Variants in RP2 observed in about 807,000 individuals in gnomAD.
RP2 encodes the protein RP2 activator of ARL3 GTPase, also known as protein XRP2.
RP2 carries 3 observed loss-of-function variants against 20.3 expected under a neutral mutation model. That is an observed-to-expected ratio of 0.15 (90% CI 0.07 to 0.38). The LOEUF (loss-of-function observed/expected upper bound fraction) is 0.38. RP2 is among the 10% of genes least tolerant of loss of function. The pLI is 1.00. For missense variants in RP2, 233 were observed against 268.5 expected (o/e 0.87, Z 0.92); for synonymous variants, 75 against 94.8 (o/e 0.79, Z 1.22).
rs1925442907 is a variant in RP2, at chrX:46,879,904, G to A, written c.*135G>A. 4 of 395,466 alleles carry A rather than the reference G, an allele frequency of 1.0e-5. No homozygotes were observed. The highest frequency in any genetic ancestry group is 6.1e-5 in the South Asian group (1 of 16,476). 32.6% of individuals were successfully genotyped at this position (395,466 alleles called of 1,213,427 possible). On this transcript the variant is annotated 3_prime_UTR_variant, in exon 5 of 5. Coordinates refer to ENST00000218340, the MANE Select transcript of RP2 (RefSeq NM_006915.3). Reference sequence around the variant, plus strand: ...TTTAAAGTTTATTTTTTAATAAATTGTTGAGTATTACATCATTTACTTGAG... The same window carrying A: ...TTTAAAGTTTATTTTTTAATAAATTATTGAGTATTACATCATTTACTTGAG...
intron 1 of RP2, among the ~76,000 whole-genome samples, chrX:46,847,813 C>CGT (rs1569531416): frequency 6.9e-4 from 62 of 89,447 alleles, no homozygotes; most frequent in African/African-American, 2.6e-3. Context: ...TATATACACA[C>CGT]ATATATGTGT....
intron 2 of RP2, 50 bp downstream of exon 2, chrX:46,854,191 A>T (rs1556318799): frequency 1.3e-5 from 14 of 1,109,072 alleles, no homozygotes; most frequent in Non-Finnish European, 1.7e-5. Flanking sequence ...TTAAAAATGT[A>T]CCACTCTGGA....
At chrX:46,877,703 GGTGTGT>G (rs397959535) in intron 4 of RP2, 113 bp downstream of exon 4, 61 of 377,321 alleles carry the variant, frequency 1.6e-4, no homozygotes, top group African/African-American at 6.9e-4. Context: ...GAATTTTTGG[GGTGTGT>G]GTGTGTGTGT....
intron 1 of RP2, 83 bp from the exon 2 acceptor site, chrX:46,853,393 T>G: frequency 1.1e-6 from 1 of 892,987 alleles, no homozygotes; most frequent in African/African-American, 2.0e-5. Context: ...CACTAAGAAC[T>G]GTGCCTGGCA....
chrX:46,873,422 A>G (rs192198302), intron 3 of RP2, among the ~76,000 whole-genome samples: 49 of 112,477 alleles, frequency 4.4e-4, no homozygotes, highest in African/African-American at 1.4e-3. Flanking sequence ...CTCATAGTTC[A>G]GTTAGAAATA....
rs1924770032 is a variant in RP2 at position 46,847,787 on chromosome X, C to CGTGTGTGTATATACACACAT, written c.103-5689_103-5688insGTGTGTGTATATACACACAT. Among the ~76,000 whole-genome samples, 27 of 82,652 alleles carry CGTGTGTGTATATACACACAT rather than the reference C, an allele frequency of 3.3e-4. No individual in the cohort carries two copies. The East Asian group carries it at 6.6e-3, about 20-fold the overall frequency. 71.8% of individuals were successfully genotyped at this position (82,652 alleles called of 115,157 possible). On this transcript the variant is annotated intron_variant, in intron 1 of 4. Coordinates refer to ENST00000218340, the MANE Select transcript of RP2 (RefSeq NM_006915.3). Reference sequence around the variant, plus strand: ...ACACATGTGTGTGTGTACATACACACATGTGTGTGTGTATATATATACACA... The same window carrying CGTGTGTGTATATACACACAT: ...ACACATGTGTGTGTGTACATACACACGTGTGTGTATATACACACATATGTGTGTGTGTATATATATACACA...
chrX:46,882,102 T>C lies in RP2; in HGVS notation c.*2333T>C, dbSNP rs782755122. On this transcript the variant is annotated 3_prime_UTR_variant, in exon 5 of 5. Coordinates refer to ENST00000218340, the MANE Select transcript of RP2 (RefSeq NM_006915.3). ...AGTAGTGCTATGGTTGTTTCTATAATTCTAACCTTTGATAGTAATCAGAAT... is the reference window on the plus strand; with the variant it reads ...AGTAGTGCTATGGTTGTTTCTATAACTCTAACCTTTGATAGTAATCAGAAT... 8.0e-5 allele frequency: 9 copies of C among 112,466 alleles called. No homozygotes were observed. Among genetic ancestry groups the C allele is most frequent in the African/African-American group, 2.9e-4 (9 of 31,051 alleles). 9.3% of individuals were successfully genotyped at this position (112,466 alleles called of 1,213,427 possible).
chrX:46,843,386 GTGT>G (rs1556315360), intron 1 of RP2, among the ~76,000 whole-genome samples: 10 of 111,965 alleles, frequency 8.9e-5, no homozygotes. Context: ...CAATGTGTGA[GTGT>G]TGTTTCTTCA....
intron 3 of RP2, among the ~76,000 whole-genome samples, chrX:46,876,320 T>C (rs1433746324): frequency 7.2e-5 from 8 of 110,656 alleles, no homozygotes; most frequent in Non-Finnish European, 1.5e-4. Flanking sequence ...GGGTCTTGCT[T>C]TGTTGCCTAG....
chrX:46,846,110 A>G (rs1556316077), intron 1 of RP2, among the ~76,000 whole-genome samples: 1 of 111,636 alleles, frequency 9.0e-6, no homozygotes, highest in South Asian at 3.7e-4. Context: ...TTGTATGGAT[A>G]TATCACAGTT....
intron 1 of RP2, 117 bp downstream of exon 1, chrX:46,837,319 G>A: frequency 1.3e-6 from 1 of 785,059 alleles, no homozygotes; most frequent in Non-Finnish European, 1.9e-6. Context: ...CTTGAACGCG[G>A]ATAGCTGAAG....
intron 3 of RP2, among the ~76,000 whole-genome samples, chrX:46,870,969 C>T (rs1200400407): frequency 1.8e-5 from 2 of 109,229 alleles, no homozygotes; most frequent in Admixed American, 9.8e-5. Context: ...AATTATGGCC[C>T]ACTGCCTGCT....
In RP2 at chrX:46,857,527, C is replaced by T. The variant is rs1459461810; in HGVS notation, c.769-2461C>T. On this transcript the variant is annotated intron_variant, in intron 2 of 4. Coordinates refer to ENST00000218340, the MANE Select transcript of RP2 (RefSeq NM_006915.3). ...TGAGCTGAGATCCCACCACTGCACT[C>T]CAGCCTGGGCGAGAGGGCAAGACTC... Among the ~76,000 whole-genome samples, 4 of 112,097 alleles carry T rather than the reference C, an allele frequency of 3.6e-5. No individual in the cohort carries two copies. The Admixed American group carries it at 3.8e-4, about 11-fold the overall frequency.
intron 3 of RP2, among the ~76,000 whole-genome samples, chrX:46,864,719 A>G (rs1332616549): frequency 9.0e-6 from 1 of 111,350 alleles, no homozygotes; most frequent in Non-Finnish European, 1.9e-5. Flanking sequence ...CCAATAAACA[A>G]ATTTTCTACT....
chrX:46,857,596 C>T (rs1448992633), intron 2 of RP2, among the ~76,000 whole-genome samples: 2 of 111,556 alleles, frequency 1.8e-5, no homozygotes, highest in Non-Finnish European at 3.8e-5. Context: ...TTTCTTTCCT[C>T]GACTTCTCTT....
At chrX:46,839,274 AGGC>A (rs2147075352) in intron 1 of RP2, among the ~76,000 whole-genome samples, 1 of 111,686 alleles carries the variant, frequency 9.0e-6, no homozygotes, top group African/African-American at 3.2e-5. Flanking sequence ...TTCTAGGGCC[AGGC>A]ATGGTGACTC....
chrX:46,873,581 TA>T (rs1556327160), intron 3 of RP2, among the ~76,000 whole-genome samples: 32 of 111,813 alleles, frequency 2.9e-4, no homozygotes, highest in Non-Finnish European at 5.5e-4. Context: ...TTTGTTTGTT[TA>T]ATACATATGA....
At chrX:46,847,669 T>C (rs1210098016) in intron 1 of RP2, among the ~76,000 whole-genome samples, 1 of 100,886 alleles carries the variant, frequency 9.9e-6, no homozygotes, top group Non-Finnish European at 2.0e-5. Context: ...CATATATATA[T>C]CTATATCGAT....
chrX:46,866,662 C>A (rs1014206041), intron 3 of RP2, among the ~76,000 whole-genome samples: 3 of 112,052 alleles, frequency 2.7e-5, no homozygotes, highest in African/African-American at 9.7e-5. Context: ...TTCCAAAGTC[C>A]TGAGGTTAGC....
Sources: allele counts gnomAD v4.1 joint callset (sites outside exome capture counted in the v4.1 genomes callset), GRCh38; gene constraint gnomAD v4.1.1; transcripts MANE v1.5; gene names NCBI Gene and HGNC (gene_info 2026-07-23, HGNC 2026-07-21).